The following MINDY2 variants were observed in gnomAD, a reference collection of about 807,000 sequenced individuals.
MINDY2 encodes the protein MINDY lysine 48 deubiquitinase 2.
MINDY2 carries 52 observed loss-of-function variants against 68.2 expected under a neutral mutation model. The ratio of observed to expected loss-of-function variants is 0.76; its 90% CI spans 0.61 to 0.96. The LOEUF is 0.96. MINDY2 is among the 40% of genes least tolerant of loss of function. MINDY2 has a pLI of 0.00. For missense variants in MINDY2, 881 were observed against 773.4 expected, an observed-to-expected ratio of 1.14 and a Z score of -1.65; for synonymous variants, 372 against 303.0, an observed-to-expected ratio of 1.23 and a Z score of -2.36.
At chr15:58,839,243 G>A (rs1267723756) in intron 6 of MINDY2, among the ~76,000 whole-genome samples, 3 of 152,060 alleles carry the variant, frequency 2.0e-5, no homozygotes, top group Non-Finnish European at 4.4e-5. Flanking sequence ...TAATGGTATT[G>A]TTTACATCTC....
intron 4 of MINDY2, among the ~76,000 whole-genome samples, chr15:58,819,951 T>C (rs975766603): frequency 3.9e-5 from 6 of 152,132 alleles, no homozygotes; most frequent in Non-Finnish European, 7.3e-5. Context: ...TACATTTTTG[T>C]GTTTTAAGTT....
Position 58,854,787 on chromosome 15 carries a change from A to G in MINDY2, c.*177A>G, listed in dbSNP as rs1368416515. 3.8e-6 allele frequency: 2 copies of G among 522,698 alleles called. No homozygotes were observed. Among genetic ancestry groups the G allele is most frequent in the South Asian group, 3.1e-5 (1 of 32,278 alleles). 32.4% of individuals were successfully genotyped at this position (522,698 alleles called of 1,614,324 possible). On this transcript the variant is annotated 3_prime_UTR_variant, in exon 9 of 9. Coordinates refer to ENST00000559228, the MANE Select transcript of MINDY2 (RefSeq NM_001040450.3). ...CAGACTTTTTCAAGTCACACAATAC[A>G]CTCTTTATGAGCTGGAGTTTCATGT...
intron 3 of MINDY2, among the ~76,000 whole-genome samples, chr15:58,802,842 G>T (rs184852276): frequency 6.6e-6 from 1 of 152,276 alleles, no homozygotes; most frequent in African/African-American, 2.4e-5. Context: ...TTCTTGGCAT[G>T]TTCTTTAGAG....
intron 6 of MINDY2, among the ~76,000 whole-genome samples, chr15:58,845,564 A>G (rs141716234): frequency 2.0e-3 from 312 of 152,294 alleles, no homozygotes; most frequent in African/African-American, 6.8e-3. Context: ...TGGTGAGGAT[A>G]TGGAGAAAAG....
At chr15:58,777,669 C>T (rs1900860117) in intron 1 of MINDY2, among the ~76,000 whole-genome samples, 1 of 152,076 alleles carries the variant, frequency 6.6e-6, no homozygotes, top group Non-Finnish European at 1.5e-5. Flanking sequence ...AATAGTTGAG[C>T]TGTGATGCTC....
At chr15:58,773,192 C>T (rs940725524) in intron 1 of MINDY2, among the ~76,000 whole-genome samples, 4 of 151,984 alleles carry the variant, frequency 2.6e-5, no homozygotes, top group African/African-American at 7.3e-5. Context: ...CCAGCTACTC[C>T]GTAAGCTCAG....
In MINDY2 at chr15:58,771,315, A is replaced by T. The variant is rs1025881615; in HGVS notation, c.-81A>T. 6.5e-7 allele frequency: 1 copy of T among 1,531,082 alleles called. No homozygotes were observed. The highest frequency in any genetic ancestry group is 1.4e-5 in the African/African-American group (1 of 72,842). The allele number at this position is 1,531,082 out of a possible 1,614,324, so 94.8% of individuals were successfully genotyped here. The stretch of plus-strand genomic sequence containing the variant: ...CCGCGCCAGGGCGCTGTTGCTGCCA[A>T]TACAGCTGTCATGGCGTCCAAGGCG... On this transcript the variant is annotated 5_prime_UTR_variant, in exon 1 of 9. Coordinates refer to ENST00000559228, the MANE Select transcript of MINDY2 (RefSeq NM_001040450.3).
chr15:58,803,044 C>G (rs1229637332), intron 3 of MINDY2, among the ~76,000 whole-genome samples: 2 of 152,216 alleles, frequency 1.3e-5, no homozygotes, highest in Non-Finnish European at 2.9e-5. Flanking sequence ...TTCATATTTA[C>G]TTTCAAAGCA....
chr15:58,860,128 A>C lies in MINDY2; in HGVS notation c.*5518A>C, dbSNP rs1375306272. On this transcript the variant is annotated 3_prime_UTR_variant, in exon 9 of 9. Transcript: ENST00000559228. ...ACTACTTAATAATTTGTCACCATTA[A>C]CTTTAATATCCAGTTTTAATCTGCA... is the stretch of plus-strand genomic sequence containing the variant. 6.6e-6 allele frequency: 1 copy of C among 152,194 alleles called. No homozygotes were observed. Among genetic ancestry groups the C allele is most frequent in the Non-Finnish European group, 1.5e-5 (1 of 68,036 alleles). The allele number at this position is 152,194 out of a possible 1,614,324, so 9.4% of individuals were successfully genotyped here. A position where few individuals can be genotyped will look rare whatever the true frequency, so the allele number is the denominator to read the frequency against.
At chr15:58,784,924 C>G (rs635349) in intron 1 of MINDY2, among the ~76,000 whole-genome samples, 2 of 151,596 alleles carry the variant, frequency 1.3e-5, no homozygotes, top group Admixed American at 6.6e-5. Context: ...CGTGAGCCAC[C>G]GTACCCAGCC....
chr15:58,835,589 G>C (rs1394734084), intron 6 of MINDY2, among the ~76,000 whole-genome samples: 1 of 152,172 alleles, frequency 6.6e-6, no homozygotes, highest in African/African-American at 2.4e-5. Flanking sequence ...GGAGGTGGAG[G>C]TTGCAGTGAA....
At position 58,837,719 on chromosome 15, in the gene MINDY2, A is replaced by T. The variant is rs559528833; in HGVS notation, c.1368+5803A>T. Among the ~76,000 whole-genome samples, 10 of 152,076 alleles carry T rather than the reference A, an allele frequency of 6.6e-5. No homozygotes were observed. In the East Asian group the frequency reaches 1.9e-3, roughly 29 times the overall value. On this transcript the variant is annotated intron_variant, in intron 6 of 8. Coordinates refer to ENST00000559228, the MANE Select transcript of MINDY2 (RefSeq NM_001040450.3). ...CCAGGCTTACACATGTAATTGCAGT[A>T]CTTTGAGAGGCAGAGGTGGGAAGAT...
intron 4 of MINDY2, 50 bp from the exon 5 acceptor site, chr15:58,821,667 T>C: frequency 8.7e-7 from 1 of 1,153,958 alleles, no homozygotes; most frequent in Non-Finnish European, 1.2e-6. Context: ...CTTTCTTTTG[T>C]TTTGTTCCTA....
At chr15:58,836,537 A>G (rs765547899) in intron 6 of MINDY2, among the ~76,000 whole-genome samples, 3 of 152,022 alleles carry the variant, frequency 2.0e-5, no homozygotes, top group Admixed American at 6.6e-5. Context: ...CTATATTCCT[A>G]TTGTACCAGC....
intron 5 of MINDY2, among the ~76,000 whole-genome samples, chr15:58,826,590 A>T (rs1298736565): frequency 6.6e-6 from 1 of 152,180 alleles, no homozygotes; most frequent in Non-Finnish European, 1.5e-5. Context: ...CTTTACCTGT[A>T]AATGCTTCAT....
chr15:58,856,925 C>G lies in MINDY2; in HGVS notation c.*2315C>G, dbSNP rs535552080. 43 of 152,170 alleles carry G rather than the reference C, an allele frequency of 2.8e-4. No individual in the cohort carries two copies. The highest frequency in any genetic ancestry group is 1.0e-3 in the African/African-American group (42 of 41,506). 9.4% of individuals were successfully genotyped at this position (152,170 alleles called of 1,614,324 possible). A position where few individuals can be genotyped will look rare whatever the true frequency, so the allele number is the denominator to read the frequency against. The stretch of plus-strand genomic sequence containing the variant: ...TTTGTTACTATCTTCTTAATTTGTT[C>G]CAAAGAAAATGCTGCCATACTGCAT... On this transcript the variant is annotated 3_prime_UTR_variant, in exon 9 of 9. Coordinates refer to ENST00000559228, the MANE Select transcript of MINDY2 (RefSeq NM_001040450.3).
At chr15:58,789,114 G>C (rs1048549406) in intron 2 of MINDY2, among the ~76,000 whole-genome samples, 1 of 152,220 alleles carries the variant, frequency 6.6e-6, no homozygotes, top group Non-Finnish European at 1.5e-5. Context: ...GAGGCGGGCC[G>C]ATCACAAGGT....
chr15:58,836,651 C>T (rs1197068221), intron 6 of MINDY2, among the ~76,000 whole-genome samples: 1 of 151,870 alleles, frequency 6.6e-6, no homozygotes, highest in African/African-American at 2.4e-5. Context: ...CAGGGTCTTG[C>T]TCTGTCACCC....
chr15:58,844,412 C>T (rs894250449), intron 6 of MINDY2, among the ~76,000 whole-genome samples: 13 of 151,908 alleles, frequency 8.6e-5, no homozygotes, highest in South Asian at 4.1e-4. Context: ...ATTAGCCGGG[C>T]ATGGTGGCGG....
Sources: gnomAD v4.1 joint callset for allele counts (sites outside exome capture counted in the v4.1 genomes callset) on GRCh38, gnomAD v4.1.1 for gene constraint, MANE v1.5 for transcripts, NCBI Gene and HGNC (gene_info 2026-07-23, HGNC 2026-07-21) for gene names.